The following ATG7 variants were observed in gnomAD, a reference collection of about 807,000 sequenced individuals.
The protein encoded by ATG7 is ubiquitin-like modifier-activating enzyme ATG7.
ATG7 carries 70 observed loss-of-function variants against 82.4 expected under a neutral mutation model. The observed-to-expected ratio is 0.85, with a 90% CI of 0.70 to 1.04. The LOEUF (loss-of-function observed/expected upper bound fraction) is 1.04, where lower values mean the gene tolerates loss of function less well. ATG7 is among the 50% of genes least tolerant of loss of function. The pLI is 0.00. For synonymous variants in ATG7, 287 were observed against 313.0 expected (o/e 0.92, Z 0.88); for missense variants, 792 against 864.3 (o/e 0.92, Z 1.05).
chr3:11,513,932 C>T (rs1282416152), intron 20 of ATG7, among the ~76,000 whole-genome samples: 2 of 152,222 alleles, frequency 1.3e-5, no homozygotes, highest in African/African-American at 2.4e-5. Flanking sequence ...CTTGCTGTGT[C>T]ACCACTATGC....
intron 20 of ATG7, among the ~76,000 whole-genome samples, chr3:11,522,795 C>G (rs1015654439): frequency 6.6e-6 from 1 of 152,184 alleles, no homozygotes; most frequent in African/African-American, 2.4e-5. Context: ...CTGCTCTGAG[C>G]TTGTGGTACA....
chr3:11,339,520 A>G (rs146369101), intron 11 of ATG7, among the ~76,000 whole-genome samples: 2 of 152,188 alleles, frequency 1.3e-5, no homozygotes, highest in Admixed American at 6.5e-5. Context: ...TGGGAATTCA[A>G]TGAGAAAGGG....
At chr3:11,509,034 T>A (rs986029585) in intron 20 of ATG7, among the ~76,000 whole-genome samples, 1 of 152,236 alleles carries the variant, frequency 6.6e-6, no homozygotes, top group African/African-American at 2.4e-5. Flanking sequence ...CTTTAAACTT[T>A]AAAATAACAA....
intron 20 of ATG7, among the ~76,000 whole-genome samples, chr3:11,513,756 C>T (rs961553222): frequency 1.4e-4 from 21 of 151,046 alleles, no homozygotes; most frequent in African/African-American, 4.1e-4. Context: ...GCAGAGGAGG[C>T]GCTGAGAGTG....
intron 19 of ATG7, among the ~76,000 whole-genome samples, chr3:11,380,814 C>T (rs962390652): frequency 7.9e-5 from 12 of 152,150 alleles, no homozygotes; most frequent in Non-Finnish European, 1.5e-4. Flanking sequence ...GACCACTAAT[C>T]CCCAACTGTG....
intron 1 of ATG7, among the ~76,000 whole-genome samples, chr3:11,273,058 T>C (rs548352255): frequency 6.6e-6 from 1 of 152,362 alleles, no homozygotes; most frequent in African/African-American, 2.4e-5. Context: ...GTTGGAGAAG[T>C]ACAAGCCAAA....
intron 20 of ATG7, among the ~76,000 whole-genome samples, chr3:11,480,025 T>A (rs541186991): frequency 1.7e-4 from 26 of 152,140 alleles, no homozygotes; most frequent in Non-Finnish European, 2.9e-4. Flanking sequence ...TCTCTGGGGT[T>A]CACGACATTC....
intron 20 of ATG7, among the ~76,000 whole-genome samples, chr3:11,535,809 C>T (rs1398932208): frequency 6.6e-6 from 1 of 152,174 alleles, no homozygotes; most frequent in Non-Finnish European, 1.5e-5. Flanking sequence ...TCAGAACTCC[C>T]GTGGACCTGC....
intron 20 of ATG7, among the ~76,000 whole-genome samples, chr3:11,523,218 A>C (rs868422429): frequency 6.6e-5 from 10 of 152,330 alleles, no homozygotes; most frequent in South Asian, 6.2e-4. Context: ...ATTAACTAAA[A>C]TTAGTACCTT....
chr3:11,290,510 G>T, intron 3 of ATG7: 1 of 341,884 alleles, frequency 2.9e-6, no homozygotes, highest in Non-Finnish European at 5.7e-6. Context: ...ACTTTTGGTA[G>T]TGGATCTTGG....
At chr3:11,434,595 G>C (rs1281104509) in intron 20 of ATG7, among the ~76,000 whole-genome samples, 3 of 152,170 alleles carry the variant, frequency 2.0e-5, no homozygotes, top group Non-Finnish European at 4.4e-5. Flanking sequence ...AATAAAGCTT[G>C]GCAGTATCTC....
intron 20 of ATG7, among the ~76,000 whole-genome samples, chr3:11,531,867 G>GAAAA (rs10706428): frequency 2.1e-5 from 2 of 95,148 alleles, no homozygotes; most frequent in Non-Finnish European, 4.2e-5. Flanking sequence ...CCTGTCTCAG[G>GAAAA]AAAAAAAAAA....
intron 20 of ATG7, among the ~76,000 whole-genome samples, chr3:11,453,470 C>G (rs1576519850): frequency 6.6e-6 from 1 of 152,134 alleles, no homozygotes. Context: ...CAGGATGTAA[C>G]GAGTGAGAGA....
intron 19 of ATG7, among the ~76,000 whole-genome samples, chr3:11,403,626 C>A (rs2080053751): frequency 6.6e-6 from 1 of 152,090 alleles, no homozygotes; most frequent in South Asian, 2.1e-4. Flanking sequence ...TATTGATAAT[C>A]AATTATTAAG....
At chr3:11,333,793 G>A (rs1005272015) in intron 11 of ATG7, among the ~76,000 whole-genome samples, 33 of 150,644 alleles carry the variant, frequency 2.2e-4, no homozygotes, top group Admixed American at 1.8e-3. Flanking sequence ...TGTCGCCCAG[G>A]CTAGAGTGCA....
intron 14 of ATG7, among the ~76,000 whole-genome samples, chr3:11,356,524 G>A (rs1411803380): frequency 6.6e-6 from 1 of 152,202 alleles, no homozygotes; most frequent in Non-Finnish European, 1.5e-5. Context: ...TCTAACGTTA[G>A]CTTACTGGCT....
chr3:11,527,398 C>CT (rs2092608430), intron 20 of ATG7, among the ~76,000 whole-genome samples: 1 of 152,076 alleles, frequency 6.6e-6, no homozygotes. Context: ...CACGCCTGGC[C>CT]TTTTTTTCTT....
At chr3:11,500,590 C>T (rs981301712) in intron 20 of ATG7, among the ~76,000 whole-genome samples, 2 of 152,160 alleles carry the variant, frequency 1.3e-5, no homozygotes, top group African/African-American at 2.4e-5. Flanking sequence ...AAGTTCTACA[C>T]GTAAAATTTT....
intron 19 of ATG7, among the ~76,000 whole-genome samples, chr3:11,380,362 C>T (rs2077794474): frequency 6.6e-6 from 1 of 152,224 alleles, no homozygotes; most frequent in Admixed American, 6.5e-5. Context: ...AGAGGGTTCC[C>T]TCCTAGCCAG....
Sources: gnomAD v4.1 joint callset for allele counts (sites outside exome capture counted in the v4.1 genomes callset) on GRCh38, gnomAD v4.1.1 for gene constraint, MANE v1.5 for transcripts, NCBI Gene and HGNC (gene_info 2026-07-23, HGNC 2026-07-21) for gene names.